CLSTN2: variants seen among roughly 807,000 people sequenced by gnomAD.
CLSTN2 encodes the protein calsyntenin-2.
CLSTN2 carries 48 observed loss-of-function variants against 101.2 expected under a neutral mutation model. The ratio of observed to expected loss-of-function variants is 0.47; its 90% CI spans 0.38 to 0.60. CLSTN2 has a LOEUF of 0.60. Among genes scored for constraint, CLSTN2 ranks in the 20% least tolerant of loss-of-function variants. The pLI is 0.00. For missense variants in CLSTN2, 1,160 were observed against 1,238.2 expected (o/e 0.94, Z 0.95); for synonymous variants, 481 against 463.6 (o/e 1.04, Z -0.48).
intron 10 of CLSTN2, among the ~76,000 whole-genome samples, chr3:140,551,798 A>T (rs751771750): frequency 6.7e-6 from 1 of 148,578 alleles, no homozygotes; most frequent in Non-Finnish European, 1.5e-5. Context: ...CATCTAAATT[A>T]TATATTACAT....
chr3:140,459,776 C>T lies in CLSTN2; in HGVS notation c.1222+7C>T. The T allele has an allele frequency of 6.2e-7, 1 of 1,602,546 alleles. No homozygotes were observed. On this transcript the variant is annotated splice_region_variant and intron_variant, in intron 7 of 16. Coordinates refer to ENST00000458420, the MANE Select transcript of CLSTN2 (RefSeq NM_022131.3). ...TGCAACTCAGACAAAACCGGTGAGT[C>T]TCTAGCCCAGCCCTTCCACCCCTCC...
Position 140,387,688 on chromosome 3 carries a change from C to T in CLSTN2, c.233-15941C>T, listed in dbSNP as rs1312811528. Among the ~76,000 whole-genome samples, 3 of 152,254 alleles carry T rather than the reference C, an allele frequency of 2.0e-5. No individual in the cohort carries two copies. The East Asian group carries it at 5.8e-4, about 29-fold the overall frequency. On this transcript the variant is annotated intron_variant, in intron 2 of 16. Coordinates refer to ENST00000458420, the MANE Select transcript of CLSTN2 (RefSeq NM_022131.3). Reference sequence around the variant, plus strand: ...ACATTTTCTTAGAATTCTAATTATACTCAAAGATACAAGGGTAAAATAGAA... The same window carrying T: ...ACATTTTCTTAGAATTCTAATTATATTCAAAGATACAAGGGTAAAATAGAA...
chr3:140,489,151 A>G (rs168386), intron 8 of CLSTN2, among the ~76,000 whole-genome samples: 73,510 of 151,900 alleles, frequency 0.48, 19,219 homozygotes, highest in African/African-American at 0.69. Context: ...ACTTTTGGGA[A>G]GAGAGTAGTA....
intron 2 of CLSTN2, among the ~76,000 whole-genome samples, chr3:140,213,276 T>C (rs1419148133): frequency 6.6e-6 from 1 of 152,122 alleles, no homozygotes; most frequent in Non-Finnish European, 1.5e-5. Context: ...TGTGTTTGCA[T>C]GTTTGTATTC....
chr3:140,028,293 C>G (rs1172375580), intron 1 of CLSTN2, among the ~76,000 whole-genome samples: 1 of 152,144 alleles, frequency 6.6e-6, no homozygotes, highest in Non-Finnish European at 1.5e-5. Flanking sequence ...AAGAGGGGCA[C>G]TCAGACACTC....
intron 8 of CLSTN2, among the ~76,000 whole-genome samples, chr3:140,476,540 G>C (rs148177116): frequency 4.9e-4 from 75 of 152,196 alleles, no homozygotes; most frequent in African/African-American, 1.8e-3. Context: ...CAATCTTAGT[G>C]AATATGCACG....
intron 8 of CLSTN2, among the ~76,000 whole-genome samples, chr3:140,517,251 A>T (rs1379482059): frequency 6.6e-6 from 1 of 152,084 alleles, no homozygotes; most frequent in Non-Finnish European, 1.5e-5. Context: ...ATTAAATTGG[A>T]CTTCACTTTT....
chr3:140,081,355 G>A (rs1231292728), intron 1 of CLSTN2, among the ~76,000 whole-genome samples: 1 of 152,188 alleles, frequency 6.6e-6, no homozygotes, highest in Non-Finnish European at 1.5e-5. Context: ...TTTTCTTCGT[G>A]CCAAGGTTGA....
At chr3:140,085,801 G>C (rs894827715) in intron 1 of CLSTN2, among the ~76,000 whole-genome samples, 1 of 152,164 alleles carries the variant, frequency 6.6e-6, no homozygotes, top group Non-Finnish European at 1.5e-5. Context: ...TGTGGATATA[G>C]AGCCTCAGAG....
intron 1 of CLSTN2, among the ~76,000 whole-genome samples, chr3:140,021,776 C>T (rs1383476259): frequency 6.6e-6 from 1 of 152,092 alleles, no homozygotes; most frequent in Non-Finnish European, 1.5e-5. Context: ...GCAAAAATAC[C>T]CCCATTAAAA....
chr3:140,116,824 G>A (rs1196140460), intron 1 of CLSTN2, among the ~76,000 whole-genome samples: 1 of 152,190 alleles, frequency 6.6e-6, no homozygotes, highest in Non-Finnish European at 1.5e-5. Flanking sequence ...CTCAGTGATG[G>A]CTAGATCCCT....
chr3:140,419,510 T>TACAC (rs1338282245), intron 4 of CLSTN2, among the ~76,000 whole-genome samples: 2 of 66,228 alleles, frequency 3.0e-5, no homozygotes, highest in African/African-American at 1.7e-4. Flanking sequence ...TATATATATA[T>TACAC]ATACACACAC....
intron 4 of CLSTN2, among the ~76,000 whole-genome samples, chr3:140,408,799 C>T (rs2107982207): frequency 6.6e-6 from 1 of 152,352 alleles, no homozygotes; most frequent in South Asian, 2.1e-4. Flanking sequence ...TCTGTCACAA[C>T]CATGTGTGTA....
chr3:140,370,254 C>G (rs1232900169), intron 2 of CLSTN2, among the ~76,000 whole-genome samples: 1 of 152,204 alleles, frequency 6.6e-6, no homozygotes, highest in East Asian at 1.9e-4. Flanking sequence ...ATGCCCACGC[C>G]TTGATTCTCA....
At chr3:140,061,413 C>T (rs938266219) in intron 1 of CLSTN2, among the ~76,000 whole-genome samples, 5 of 152,170 alleles carry the variant, frequency 3.3e-5, no homozygotes, top group East Asian at 1.9e-4. Flanking sequence ...TCCTACATCC[C>T]TGACTTTCTA....
At chr3:140,007,836 C>A (rs969672625) in intron 1 of CLSTN2, among the ~76,000 whole-genome samples, 1 of 152,200 alleles carries the variant, frequency 6.6e-6, no homozygotes, top group Admixed American at 6.5e-5. Context: ...AACCACTGAC[C>A]TTGTCCGGTG....
At chr3:140,256,841 G>A (rs1035139213) in intron 2 of CLSTN2, among the ~76,000 whole-genome samples, 7 of 152,098 alleles carry the variant, frequency 4.6e-5, no homozygotes, top group Admixed American at 6.6e-5. Flanking sequence ...AGGTTTTTTG[G>A]TTTTTGTTTT....
chr3:140,535,669 T>G (rs571328591), intron 9 of CLSTN2, among the ~76,000 whole-genome samples: 2 of 152,356 alleles, frequency 1.3e-5, no homozygotes, highest in South Asian at 4.1e-4. Flanking sequence ...AAGCTGTAAT[T>G]GCAAGGAGGC....
At chr3:140,189,365 C>T (rs540514470) in intron 2 of CLSTN2, among the ~76,000 whole-genome samples, 5 of 152,240 alleles carry the variant, frequency 3.3e-5, no homozygotes, top group South Asian at 2.1e-4. Context: ...ACTTTCCCAC[C>T]GGCAGTGTAT....
Sources: gnomAD v4.1 joint callset for allele counts (sites outside exome capture counted in the v4.1 genomes callset) on GRCh38, gnomAD v4.1.1 for gene constraint, MANE v1.5 for transcripts, NCBI Gene and HGNC (gene_info 2026-07-23, HGNC 2026-07-21) for gene names.